The following CRYBG3 variants were observed in gnomAD, a reference collection of about 807,000 sequenced individuals.
The protein encoded by CRYBG3 is crystallin beta-gamma domain containing 3.
CRYBG3 carries 127 observed loss-of-function variants against 244.2 expected under a neutral mutation model. The observed-to-expected ratio is 0.52, with a 90% CI of 0.45 to 0.60. The LOEUF (loss-of-function observed/expected upper bound fraction) is 0.60, where lower values mean the gene tolerates loss of function less well. CRYBG3 is among the 20% of genes least tolerant of loss of function. The pLI is 0.00. For synonymous variants in CRYBG3, 1,132 were observed against 1,195.8 expected (o/e 0.95, Z 1.10); for missense variants, 3,325 against 3,442.5 (o/e 0.97, Z 0.85).
intron 17 of CRYBG3, among the ~76,000 whole-genome samples, chr3:97,923,147 T>C (rs140894368): frequency 1.3e-5 from 2 of 151,876 alleles, no homozygotes; most frequent in Non-Finnish European, 2.9e-5. Context: ...ATGAGAACAC[T>C]TGGACACAGG....
At position 97,943,980 on chromosome 3, in the gene CRYBG3, T is replaced by G. The variant is rs991475540; in HGVS notation, c.*666T>G. The G allele has an allele frequency of 6.6e-6, 1 of 151,890 alleles. No individual in the cohort carries two copies. Among genetic ancestry groups the G allele is most frequent in the Non-Finnish European group, 1.5e-5 (1 of 67,928 alleles). 9.4% of individuals were successfully genotyped at this position (151,890 alleles called of 1,614,324 possible). ...GTCCTTCAAACTAAAAAAGTACAAA[T>G]AAATAACCTATGGCCAAACTTGCAC... On this transcript the variant is annotated 3_prime_UTR_variant, in exon 22 of 22. Coordinates refer to ENST00000389622, the MANE Select transcript of CRYBG3 (RefSeq NM_153605.4).
chr3:97,936,090 G>T (rs1575976943), intron 18 of CRYBG3, among the ~76,000 whole-genome samples: 1 of 152,052 alleles, frequency 6.6e-6, no homozygotes, highest in African/African-American at 2.4e-5. Context: ...CAGTTTGTGG[G>T]TCATCTGTCT....
Position 97,914,741 on chromosome 3 carries a change from G to A in CRYBG3, c.8115-869G>A, listed in dbSNP as rs967158512. On this transcript the variant is annotated intron_variant, in intron 16 of 21. Coordinates refer to ENST00000389622, the MANE Select transcript of CRYBG3 (RefSeq NM_153605.4). ...GAAACCTTTGATAAGTGTTGATTAT[G>A]AAATGCTTATTACATTAGAAGACAT... 3.9e-5 allele frequency among the ~76,000 whole-genome samples: 6 copies of A among 152,274 alleles called. No individual in the cohort carries two copies. The East Asian group carries it at 1.2e-3, about 29-fold the overall frequency.
intron 16 of CRYBG3, among the ~76,000 whole-genome samples, chr3:97,913,194 T>G (rs2039891725): frequency 1.3e-5 from 2 of 152,196 alleles, no homozygotes; most frequent in Admixed American, 1.3e-4. Context: ...TTACTAATGC[T>G]TTAATTCCCA....
At chr3:97,900,318 A>T (rs991917372) in intron 14 of CRYBG3, 135 bp from the exon 15 acceptor site, 26 of 590,336 alleles carry the variant, frequency 4.4e-5, no homozygotes, top group Non-Finnish European at 8.0e-5. Context: ...ACTGTACCCC[A>T]GCCTGGATAA....
intron 1 of CRYBG3, among the ~76,000 whole-genome samples, chr3:97,831,113 A>G (rs1178175832): frequency 6.6e-6 from 1 of 152,160 alleles, no homozygotes; most frequent in Non-Finnish European, 1.5e-5. Flanking sequence ...AGTAGGGTAG[A>G]GATGCTTATA....
intron 21 of CRYBG3, 46 bp from the exon 22 acceptor site, chr3:97,943,180 C>A: frequency 9.3e-7 from 1 of 1,074,106 alleles, no homozygotes; most frequent in Non-Finnish European, 1.4e-6. Flanking sequence ...AATTGCTAAG[C>A]ACCTGCCTGA....
chr3:97,936,027 C>T (rs2040159928), intron 18 of CRYBG3, among the ~76,000 whole-genome samples: 1 of 152,070 alleles, frequency 6.6e-6, no homozygotes, highest in African/African-American at 2.4e-5. Flanking sequence ...GCTTAGTAAT[C>T]ACCTAAGGTG....
intron 8 of CRYBG3, 127 bp from the exon 9 acceptor site, chr3:97,888,214 A>C: frequency 1.6e-6 from 1 of 606,948 alleles, no homozygotes; most frequent in South Asian, 2.2e-5. Context: ...TCTCACTTTG[A>C]GTGTGTTTTA....
Position 97,874,642 on chromosome 3 carries a change from G to A in CRYBG3, c.3448G>A (p.Val1150Met), listed in dbSNP as rs1028128673. Residue 1150 changes from valine to methionine, a missense_variant, in exon 4 of 22, where the codon GTG (valine) becomes ATG (methionine). Val to Met is a conservative substitution (Grantham distance 21). Transcript: ENST00000389622. ...AACTGCTGCCCAATTTGACAATCTC[G>A]TGGAAGCAGAGACTGGAGCAGTTGC... ...FPTAAQFDNL[V>M]EAETGAVAGP... is the part of the protein sequence containing the mutation. 10 of 1,535,914 alleles carry A rather than the reference G, an allele frequency of 6.5e-6. No homozygotes were observed. Among genetic ancestry groups the A allele is most frequent in the Admixed American group, 3.9e-5 (2 of 50,982 alleles).
At chr3:97,854,859 G>C (rs2039042174) in intron 2 of CRYBG3, among the ~76,000 whole-genome samples, 2 of 151,952 alleles carry the variant, frequency 1.3e-5, no homozygotes, top group African/African-American at 4.8e-5. Flanking sequence ...TCTCTTGTTT[G>C]ATTGCTCTGG....
intron 17 of CRYBG3, among the ~76,000 whole-genome samples, chr3:97,928,458 T>C (rs959040886): frequency 6.6e-6 from 1 of 151,918 alleles, no homozygotes; most frequent in Non-Finnish European, 1.5e-5. Context: ...TTGGGTACTA[T>C]GCTTATTACC....
rs2040284863 is a variant in CRYBG3 at position 97,943,637 on chromosome 3, G to GC, written c.*326dup. On this transcript the variant is annotated 3_prime_UTR_variant, in exon 22 of 22. Transcript: ENST00000389622. ...CCAAACGTGAATCCTGTTCCTGATGGCCCGTTATTGGACACTGGTGATGCT... is the reference window on the plus strand; with the variant it reads ...CCAAACGTGAATCCTGTTCCTGATGGCCCCGTTATTGGACACTGGTGATGCT... 3.6e-6 allele frequency: 1 copy of GC among 280,976 alleles called. No individual in the cohort carries two copies. Among genetic ancestry groups the GC allele is most frequent in the Admixed American group, 5.8e-5 (1 of 17,138 alleles). The allele number at this position is 280,976 out of a possible 1,614,324, so 17.4% of individuals were successfully genotyped here.
At chr3:97,921,996 C>A (rs750388493) in intron 17 of CRYBG3, among the ~76,000 whole-genome samples, 71 of 152,076 alleles carry the variant, frequency 4.7e-4, no homozygotes, top group Non-Finnish European at 8.8e-4. Context: ...TGTAGAAAAA[C>A]TTCAGATAAA....
At chr3:97,849,333 T>A (rs560012518) in intron 2 of CRYBG3, among the ~76,000 whole-genome samples, 14 of 152,256 alleles carry the variant, frequency 9.2e-5, no homozygotes, top group African/African-American at 3.4e-4. Flanking sequence ...AAGGCACATA[T>A]TTGAAATATT....
chr3:97,861,392 G>C (rs1028527664), intron 2 of CRYBG3, among the ~76,000 whole-genome samples: 23 of 152,130 alleles, frequency 1.5e-4, no homozygotes, highest in African/African-American at 4.8e-4. Context: ...TGATGAGTAT[G>C]TTCCTAGCTT....
Position 97,944,252 on chromosome 3 carries a change from C to T in CRYBG3, c.*938C>T, listed in dbSNP as rs535655044. ...TAACAGAAACCTCAGTTTTTCACTC[C>T]CATTGTAAGTAACTTTTATTTAAGT... is the stretch of plus-strand genomic sequence containing the variant. On this transcript the variant is annotated 3_prime_UTR_variant, in exon 22 of 22. Coordinates refer to ENST00000389622, the MANE Select transcript of CRYBG3 (RefSeq NM_153605.4). 1 of 151,912 alleles carries T rather than the reference C, an allele frequency of 6.6e-6. No homozygotes were observed. The highest frequency in any genetic ancestry group is 1.9e-4 in the East Asian group (1 of 5,164). 9.4% of individuals were successfully genotyped at this position (151,912 alleles called of 1,614,324 possible).
intron 3 of CRYBG3, among the ~76,000 whole-genome samples, chr3:97,868,594 G>A (rs1219748229): frequency 6.6e-6 from 1 of 152,112 alleles, no homozygotes; most frequent in Non-Finnish European, 1.5e-5. Context: ...ACCAGTGCAT[G>A]TAACTTAATA....
Position 97,872,372 on chromosome 3 carries a change from C to T in CRYBG3, c.1178C>T (p.Pro393Leu). ...LLTGSNHRKV[P>L]CSPDFQRVTT... The stretch of plus-strand genomic sequence containing the variant: ...ACAGGAAGTAACCATCGCAAAGTCC[C>T]TTGCAGCCCAGATTTTCAGAGAGTA... The change falls in exon 4 of 22, where the codon CCT becomes CTT. Residue 393 changes from proline to leucine, a missense_variant. Coordinates refer to ENST00000389622, the MANE Select transcript of CRYBG3 (RefSeq NM_153605.4). 1 of 1,535,886 alleles carries T rather than the reference C, an allele frequency of 6.5e-7. No homozygotes were observed. The highest frequency in any genetic ancestry group is 8.7e-7 in the Non-Finnish European group (1 of 1,146,806).
Sources: gnomAD v4.1 joint callset for allele counts (sites outside exome capture counted in the v4.1 genomes callset) on GRCh38, gnomAD v4.1.1 for gene constraint, MANE v1.5 for transcripts, NCBI Gene and HGNC (gene_info 2026-07-23, HGNC 2026-07-21) for gene names.